ADCY9: variants seen among roughly 807,000 people sequenced by gnomAD.
ADCY9 encodes the protein adenylate cyclase type 9.
In ADCY9, 50 loss-of-function variants were observed where a neutral mutation model predicts 101.5. The ratio of observed to expected loss-of-function variants is 0.49; its 90% CI spans 0.39 to 0.62. ADCY9 has a LOEUF of 0.62. Among genes scored for constraint, ADCY9 ranks in the 20% least tolerant of loss-of-function variants. The pLI, the probability that ADCY9 is intolerant of heterozygous loss-of-function variation, is 0.00. For missense variants in ADCY9, 1,662 were observed against 1,800.4 expected (o/e 0.92, Z 1.39); for synonymous variants, 905 against 769.3 (o/e 1.18, Z -2.92).
intron 2 of ADCY9, among the ~76,000 whole-genome samples, chr16:4,089,681 C>T (rs1275754102): frequency 2.6e-5 from 4 of 152,034 alleles, no homozygotes; most frequent in East Asian, 1.9e-4. Context: ...AACCATTTCA[C>T]GTTCTCACCA....
chr16:4,062,808 A>T (rs921995849), intron 2 of ADCY9, among the ~76,000 whole-genome samples: 6 of 152,238 alleles, frequency 3.9e-5, no homozygotes, highest in Non-Finnish European at 8.8e-5. Context: ...TAAAAACATA[A>T]ATACATAAGC....
intron 2 of ADCY9, among the ~76,000 whole-genome samples, chr16:4,045,343 TC>T: frequency 6.6e-6 from 1 of 152,098 alleles, no homozygotes; most frequent in Non-Finnish European, 1.5e-5. Flanking sequence ...ACGCCTGTAA[TC>T]CCAGCACTTT....
Position 3,977,566 on chromosome 16 carries a change from A to T in ADCY9, c.2744T>A (p.Leu915His), listed in dbSNP as rs2056103209. Residue 915 changes from leucine to histidine, a missense_variant, in exon 9 of 11, where the codon CTC becomes CAC. This residue lies in a region of ADCY9 where 624 missense variants were observed against 639.1 expected (regional missense o/e 0.98). Transcript: ENST00000294016. ...GAGGGAGGACCTCATCCAGGAGCTG[A>T]GCTGGCAGAAGTTACAGTAGTGCAC... ...AVVHYCNFCQLSSWMRSSLAT... is the reference protein window; with the variant it reads ...AVVHYCNFCQHSSWMRSSLAT... 2 of 1,610,432 alleles carry T rather than the reference A, an allele frequency of 1.2e-6. No homozygotes were observed. The highest frequency in any genetic ancestry group is 1.7e-6 in the Non-Finnish European group (2 of 1,178,830).
At chr16:3,996,344 A>T (rs2056286638) in intron 3 of ADCY9, among the ~76,000 whole-genome samples, 1 of 152,272 alleles carries the variant, frequency 6.6e-6, no homozygotes, top group African/African-American at 2.4e-5. Flanking sequence ...CGTGGGTGAC[A>T]GAGCAAACCC....
At chr16:4,094,444 C>T (rs2056990758) in intron 2 of ADCY9, among the ~76,000 whole-genome samples, 1 of 152,164 alleles carries the variant, frequency 6.6e-6, no homozygotes, top group African/African-American at 2.4e-5. Flanking sequence ...GGCTTTCCAG[C>T]AGCCTCTTTG....
At chr16:4,042,640 G>C (rs971797256) in intron 2 of ADCY9, among the ~76,000 whole-genome samples, 2 of 152,162 alleles carry the variant, frequency 1.3e-5, no homozygotes, top group Non-Finnish European at 2.9e-5. Context: ...ATCTGAAAGA[G>C]TGGAAATGAA....
chr16:3,960,247 C>T (rs969867194), downstream of ADCY9, among the ~76,000 whole-genome samples: 6 of 151,898 alleles, frequency 4.0e-5, no homozygotes, highest in Admixed American at 2.6e-4. Flanking sequence ...TGGCCGGGCA[C>T]GGTGGCTCAC....
intron 2 of ADCY9, among the ~76,000 whole-genome samples, chr16:4,065,880 T>C (rs1224967529): frequency 6.6e-6 from 1 of 152,072 alleles, no homozygotes; most frequent in East Asian, 1.9e-4. Context: ...AGTTTTGTAT[T>C]TTTAGTAGAG....
intron 2 of ADCY9, among the ~76,000 whole-genome samples, chr16:4,100,940 C>T (rs1003397078): frequency 1.3e-5 from 2 of 152,096 alleles, no homozygotes; most frequent in African/African-American, 2.4e-5. Flanking sequence ...AGACAGGTAT[C>T]GTTGTTTTGG....
At position 3,996,289 on chromosome 16, in the gene ADCY9, G is replaced by C. The variant is rs376068892; in HGVS notation, c.1885-2779C>G. Among the ~76,000 whole-genome samples the C allele has an allele frequency of 3.9e-5, 6 of 152,214 alleles. No individual in the cohort carries two copies. In the South Asian group the frequency reaches 8.3e-4, roughly 21 times the overall value. On this transcript the variant is annotated intron_variant, in intron 3 of 10. Transcript: ENST00000294016. ...AGGCAGGAGGATTGCTTCAGCGAAG[G>C]AAGTCAAGGCTGCAGTGCACTGTGA...
At chr16:4,072,037 C>T (rs2056837885) in intron 2 of ADCY9, among the ~76,000 whole-genome samples, 1 of 152,142 alleles carries the variant, frequency 6.6e-6, no homozygotes, top group Admixed American at 6.5e-5. Flanking sequence ...CATTGTTTTG[C>T]CTATTCTGAC....
At chr16:4,063,023 C>A (rs2056781461) in intron 2 of ADCY9, among the ~76,000 whole-genome samples, 1 of 152,176 alleles carries the variant, frequency 6.6e-6, no homozygotes, top group African/African-American at 2.4e-5. Context: ...TAGACCATGT[C>A]AAGCAACAAC....
At chr16:4,065,479 A>G (rs941565981) in intron 2 of ADCY9, among the ~76,000 whole-genome samples, 2 of 152,252 alleles carry the variant, frequency 1.3e-5, no homozygotes, top group African/African-American at 4.8e-5. Flanking sequence ...CCATGTTGCC[A>G]GAAGGGCAGG....
chr16:4,002,380 T>G (rs145316439), intron 3 of ADCY9, among the ~76,000 whole-genome samples: 24 of 152,288 alleles, frequency 1.6e-4, no homozygotes, highest in African/African-American at 5.3e-4. Context: ...AAGTTATCAT[T>G]TAGGGTCATT....
At chr16:4,073,398 C>CT (rs35147648) in intron 2 of ADCY9, among the ~76,000 whole-genome samples, 125 of 141,596 alleles carry the variant, frequency 8.8e-4, no homozygotes, top group East Asian at 1.4e-3. Context: ...TCTTTAAAAA[C>CT]TTTTTTTTTT....
At chr16:4,020,210 C>A (rs540348342) in intron 2 of ADCY9, among the ~76,000 whole-genome samples, 1 of 152,260 alleles carries the variant, frequency 6.6e-6, no homozygotes, top group South Asian at 2.1e-4. Flanking sequence ...CTAGTATGAA[C>A]AAGGAATTAA....
At chr16:4,075,957 G>A (rs1424932608) in intron 2 of ADCY9, among the ~76,000 whole-genome samples, 1 of 152,212 alleles carries the variant, frequency 6.6e-6, no homozygotes, top group Non-Finnish European at 1.5e-5. Context: ...ATGCATCGCT[G>A]TTATTTCTTT....
chr16:4,054,786 C>CTAAA (rs895454405), intron 2 of ADCY9, among the ~76,000 whole-genome samples: 14 of 152,066 alleles, frequency 9.2e-5, no homozygotes, highest in Non-Finnish European at 1.8e-4. Context: ...CCAGGATGGT[C>CTAAA]TAAATCTCCT....
At chr16:4,076,233 G>C (rs561207060) in intron 2 of ADCY9, among the ~76,000 whole-genome samples, 1 of 152,240 alleles carries the variant, frequency 6.6e-6, no homozygotes, top group South Asian at 2.1e-4. Context: ...AACAAAATTA[G>C]TGCCCAATTT....
Sources: gnomAD v4.1 joint callset for allele counts (sites outside exome capture counted in the v4.1 genomes callset) on GRCh38, gnomAD v4.1.1 for gene constraint, gnomAD v4.1.1 regional missense constraint, MANE v1.5 for transcripts, NCBI Gene and HGNC (gene_info 2026-07-23, HGNC 2026-07-21) for gene names.